Variants in SNX22 observed in about 807,000 individuals in gnomAD.
SNX22 encodes the protein sorting nexin-22.
A neutral mutation model predicts 24.7 loss-of-function variants in SNX22; 23 were observed. The observed-to-expected ratio is 0.93, with a 90% CI of 0.67 to 1.32. The LOEUF is 1.32. SNX22 is among the 40% of genes most tolerant of loss of function. The probability of loss-of-function intolerance (pLI) is 0.00; values close to 1 mark genes in which losing one functional copy is unlikely to be tolerated. For synonymous variants in SNX22, 99 were observed against 104.0 expected, an observed-to-expected ratio of 0.95 and a Z score of 0.29; for missense variants, 261 against 249.9, an observed-to-expected ratio of 1.04 and a Z score of -0.30.
Position 64,154,752 on chromosome 15 carries a change from A to G in SNX22, c.*244A>G. 2.6e-6 allele frequency: 1 copy of G among 391,232 alleles called. No individual in the cohort carries two copies. The highest frequency in any genetic ancestry group is 4.5e-6 in the Non-Finnish European group (1 of 219,888). The allele number at this position is 391,232 out of a possible 1,614,324, so 24.2% of individuals were successfully genotyped here. On this transcript the variant is annotated 3_prime_UTR_variant, in exon 7 of 7. Transcript: ENST00000325881. ...CAAGAAGATAAGTAATAAAAGAGGA[A>G]GTCAGCCAGGCGCGGTGGCTCATGC...
rs375272799 is a variant in SNX22 at position 64,152,707 on chromosome 15, G to C, written c.229G>C (p.Glu77Gln). Residue 77 changes from glutamate (E) to glutamine (Q), a missense_variant, in exon 3 of 7, where the codon GAA becomes CAA. By Grantham distance (29) the Glu-to-Gln change is conservative. Transcript: ENST00000325881. ...GCCCAACTGGAGGACCAGAGGGTTG[G>C]AACAGCGCCGGCAGGGCTTGGAGGC... ...RLPNWRTRGL[E>Q]QRRQGLEAYI... is the part of the protein sequence containing the mutation. 1.1e-4 allele frequency: 185 copies of C among 1,614,118 alleles called. No individual in the cohort carries two copies. Among genetic ancestry groups the C allele is most frequent in the Non-Finnish European group, 1.5e-4 (175 of 1,180,048 alleles).
Position 64,156,402 on chromosome 15 carries a change from C to T in SNX22, c.*1894C>T, listed in dbSNP as rs1343679287. The T allele has an allele frequency of 3.2e-6, 2 of 630,168 alleles. No homozygotes were observed. The highest frequency in any genetic ancestry group is 5.6e-5 in the East Asian group (2 of 35,970). 39.0% of individuals were successfully genotyped at this position (630,168 alleles called of 1,614,324 possible). A position where few individuals can be genotyped will look rare whatever the true frequency, so the allele number is the denominator to read the frequency against. On this transcript the variant is annotated 3_prime_UTR_variant, in exon 7 of 7. Coordinates refer to ENST00000325881, the MANE Select transcript of SNX22 (RefSeq NM_024798.3). This position sits in a 1 kb window ranked among gnomAD's most constrained non-coding sequence, Gnocchi z 6.4. The stretch of plus-strand genomic sequence containing the variant: ...GGGTGAGGAGGAGGAAGAGGGTGAC[C>T]AGGGCATGTGGCTTCTCAGGGACAT...
intron 3 of SNX22, 180 bp from the exon 4 acceptor site, chr15:64,153,065 T>C: frequency 2.8e-6 from 2 of 713,758 alleles, no homozygotes; most frequent in Non-Finnish European, 4.6e-6. Flanking sequence ...TGCCGCGTCA[T>C]GGGGTACAAC....
At chr15:64,152,512 AC>A in intron 2 of SNX22, 125 bp from the exon 3 acceptor site, 1 of 1,228,054 alleles carries the variant, frequency 8.1e-7, no homozygotes, top group Non-Finnish European at 1.2e-6. Flanking sequence ...CGGCCGGTCC[AC>A]CACTCACCAG....
intron 6 of SNX22, 182 bp downstream of exon 6, chr15:64,154,184 T>C (rs1262188271): frequency 6.4e-7 from 1 of 1,572,738 alleles, no homozygotes; most frequent in Admixed American, 1.9e-5. Flanking sequence ...TTCCCTGGTC[T>C]CCATTTCTTC....
At position 64,155,600 on chromosome 15, in the gene SNX22, C is replaced by A; in HGVS notation, c.*1092C>A. ...CTTAACATAGACTGGAGGGTGGTGG[C>A]AAGGGGAGCAAATGTGGAGGCCCAG... On this transcript the variant is annotated 3_prime_UTR_variant, in exon 7 of 7. Coordinates refer to ENST00000325881, the MANE Select transcript of SNX22 (RefSeq NM_024798.3). The A allele has an allele frequency of 4.2e-6, 1 of 240,248 alleles. No individual in the cohort carries two copies. The highest frequency in any genetic ancestry group is 8.2e-6 in the Non-Finnish European group (1 of 122,106). The allele number at this position is 240,248 out of a possible 1,614,324, so 14.9% of individuals were successfully genotyped here. A position where few individuals can be genotyped will look rare whatever the true frequency, so the allele number is the denominator to read the frequency against.
chr15:64,151,883 G>A (rs2081488612), intron 1 of SNX22, 33 bp downstream of exon 1: 1 of 1,512,410 alleles, frequency 6.6e-7, no homozygotes, highest in Non-Finnish European at 8.8e-7. Context: ...GAGGGGCGCC[G>A]GGACCCGCAG....
At position 64,154,393 on chromosome 15, in the gene SNX22, T is replaced by C; in HGVS notation, c.467T>C (p.Leu156Pro). ...PYVCNPSPES[L>P]PNVVVNGVLQ... ...GTTTAATTCTATCCCACAGAGTCGC[T>C]GCCCAACGTGGTGGTGAATGGTGTG... Residue 156 changes from leucine (L) to proline (P), a missense_variant, in exon 7 of 7, where the codon CTG (leucine) becomes CCG (proline). Coordinates refer to ENST00000325881, the MANE Select transcript of SNX22 (RefSeq NM_024798.3). The C allele has an allele frequency of 6.2e-7, 1 of 1,614,148 alleles. No individual in the cohort carries two copies. Among genetic ancestry groups the C allele is most frequent in the East Asian group, 2.2e-5 (1 of 44,886 alleles).
rs748284900 is a variant in SNX22 at position 64,156,910 on chromosome 15, C to A, written c.*2402C>A. ...AAGCGCTCACCGTAGATGCTCTTTC[C>A]TGGGAAAAAAGACAGAGCAGGTCAG... On this transcript the variant is annotated 3_prime_UTR_variant, in exon 7 of 7. Coordinates refer to ENST00000325881, the MANE Select transcript of SNX22 (RefSeq NM_024798.3). The surrounding 1 kb of genome is among the most constrained non-coding windows in gnomAD (Gnocchi z 6.4). 16 of 1,614,010 alleles carry A rather than the reference C, an allele frequency of 9.9e-6. No homozygotes were observed. The highest frequency in any genetic ancestry group is 1.1e-5 in the Non-Finnish European group (13 of 1,179,946).
In SNX22 at chr15:64,151,740, AGCCGAGCGCGCGGAGCAGCTGGGGCCGG is replaced by A; in HGVS notation, c.-34_-7del. 6.6e-7 allele frequency: 1 copy of A among 1,520,726 alleles called. No homozygotes were observed. 94.2% of individuals were successfully genotyped at this position (1,520,726 alleles called of 1,614,324 possible). On this transcript the variant is annotated 5_prime_UTR_variant, in exon 1 of 7. Coordinates refer to ENST00000325881, the MANE Select transcript of SNX22 (RefSeq NM_024798.3). ...CCGCTCCGGGAGAGTTAGGGCTCCGAGCCGAGCGCGCGGAGCAGCTGGGGCCGGGGCGCGGATGCTGGAAGTTCACATC... is the reference window on the plus strand; with the variant it reads ...CCGCTCCGGGAGAGTTAGGGCTCCGAGGCGCGGATGCTGGAAGTTCACATC...
chr15:64,157,136 CAGA>C lies in SNX22; in HGVS notation c.*2631_*2633del, dbSNP rs546466962. ...CCAGGCTGATGTGGTGAACAGCTCA[CAGA>C]AGGATTACTTTGAGAAGATAGTTTT... On this transcript the variant is annotated 3_prime_UTR_variant, in exon 7 of 7. Transcript: ENST00000325881. The surrounding 1 kb of genome is among the most constrained non-coding windows in gnomAD (Gnocchi z 4.2). 2.2e-4 allele frequency: 128 copies of C among 589,932 alleles called. No homozygotes were observed. The East Asian group carries it at 3.3e-3, about 15-fold the overall frequency. 36.5% of individuals were successfully genotyped at this position (589,932 alleles called of 1,614,324 possible).
chr15:64,154,682 TG>T lies in SNX22; in HGVS notation c.*176del. 1.3e-6 allele frequency: 1 copy of T among 780,432 alleles called. No homozygotes were observed. The highest frequency in any genetic ancestry group is 2.0e-6 in the Non-Finnish European group (1 of 496,448). The allele number at this position is 780,432 out of a possible 1,614,324, so 48.3% of individuals were successfully genotyped here. A position where few individuals can be genotyped will look rare whatever the true frequency, so the allele number is the denominator to read the frequency against. The stretch of plus-strand genomic sequence containing the variant: ...CTTGGCTCGCATTGGTAGCTGGAGG[TG>T]GTAGAATTTGTATGCTCTTAGAGCC... On this transcript the variant is annotated 3_prime_UTR_variant, in exon 7 of 7. Transcript: ENST00000325881.
In SNX22 at chr15:64,154,719, G is replaced by C; in HGVS notation, c.*211G>C. The C allele has an allele frequency of 3.7e-6, 2 of 542,838 alleles. No individual in the cohort carries two copies. Among genetic ancestry groups the C allele is most frequent in the Non-Finnish European group, 6.3e-6 (2 of 316,826 alleles). 33.6% of individuals were successfully genotyped at this position (542,838 alleles called of 1,614,324 possible). ...TATGCTCTTAGAGCCCAACAGCCAA[G>C]GCAGGGTCAAGAAGATAAGTAATAA... is the stretch of plus-strand genomic sequence containing the variant. On this transcript the variant is annotated 3_prime_UTR_variant, in exon 7 of 7. Coordinates refer to ENST00000325881, the MANE Select transcript of SNX22 (RefSeq NM_024798.3).
chr15:64,153,360 G>A, intron 4 of SNX22, 21 bp downstream of exon 4: 1 of 1,613,166 alleles, frequency 6.2e-7, no homozygotes, highest in Non-Finnish European at 8.5e-7. Flanking sequence ...CCGATGGCGG[G>A]GGCCAGGGGC....
At position 64,157,097 on chromosome 15, in the gene SNX22, A is replaced by G; in HGVS notation, c.*2589A>G. The G allele has an allele frequency of 1.6e-6, 1 of 627,816 alleles. No individual in the cohort carries two copies. 38.9% of individuals were successfully genotyped at this position (627,816 alleles called of 1,614,324 possible). A position where few individuals can be genotyped will look rare whatever the true frequency, so the allele number is the denominator to read the frequency against. ...AGCCAAGCCATGCTGACTGAGGCCA[A>G]GTGGGGCATCAGGCCAGGCTGATGT... is the stretch of plus-strand genomic sequence containing the variant. On this transcript the variant is annotated 3_prime_UTR_variant, in exon 7 of 7. Transcript: ENST00000325881. The surrounding 1 kb of genome is among the most constrained non-coding windows in gnomAD (Gnocchi z 4.2).
rs1054186117 is a variant in SNX22 at position 64,157,019 on chromosome 15, G to A, written c.*2511G>A. On this transcript the variant is annotated 3_prime_UTR_variant, in exon 7 of 7. Transcript: ENST00000325881. The surrounding 1 kb of genome is among the most constrained non-coding windows in gnomAD (Gnocchi z 4.2). ...CCTGTCCTCTGTGCCAGGCTAGGCTGGAGTGGACTACAAGGACATAAAAGC... is the reference window on the plus strand; with the variant it reads ...CCTGTCCTCTGTGCCAGGCTAGGCTAGAGTGGACTACAAGGACATAAAAGC... 4 of 1,169,762 alleles carry A rather than the reference G, an allele frequency of 3.4e-6. No individual in the cohort carries two copies. Among genetic ancestry groups the A allele is most frequent in the Admixed American group, 4.3e-5 (2 of 46,758 alleles). 72.5% of individuals were successfully genotyped at this position (1,169,762 alleles called of 1,614,324 possible). A position where few individuals can be genotyped will look rare whatever the true frequency, so the allele number is the denominator to read the frequency against.
Position 64,154,740 on chromosome 15 carries a change from A to G in SNX22, c.*232A>G. On this transcript the variant is annotated 3_prime_UTR_variant, in exon 7 of 7. Coordinates refer to ENST00000325881, the MANE Select transcript of SNX22 (RefSeq NM_024798.3). The stretch of plus-strand genomic sequence containing the variant: ...CCAAGGCAGGGTCAAGAAGATAAGT[A>G]ATAAAAGAGGAAGTCAGCCAGGCGC... The G allele has an allele frequency of 2.2e-6, 1 of 445,748 alleles. No homozygotes were observed. Among genetic ancestry groups the G allele is most frequent in the Non-Finnish European group, 3.9e-6 (1 of 255,764 alleles). 27.6% of individuals were successfully genotyped at this position (445,748 alleles called of 1,614,324 possible).
In SNX22 at chr15:64,156,881, G is replaced by A. The variant is rs11558597; in HGVS notation, c.*2373G>A. 21 of 1,614,014 alleles carry A rather than the reference G, an allele frequency of 1.3e-5. No individual in the cohort carries two copies. The highest frequency in any genetic ancestry group is 6.7e-5 in the African/African-American group (5 of 74,892). On this transcript the variant is annotated 3_prime_UTR_variant, in exon 7 of 7. Transcript: ENST00000325881. The surrounding 1 kb of genome is among the most constrained non-coding windows in gnomAD (Gnocchi z 6.4). The stretch of plus-strand genomic sequence containing the variant: ...AGTGCTTCAGTTTGAAGTTCTCATC[G>A]GGGAAGCGCTCACCGTAGATGCTCT...
Position 64,156,864 on chromosome 15 carries a change from A to G in SNX22, c.*2356A>G. 3.7e-6 allele frequency: 6 copies of G among 1,614,154 alleles called. No homozygotes were observed. Among genetic ancestry groups the G allele is most frequent in the Non-Finnish European group, 5.1e-6 (6 of 1,180,024 alleles). ...CACCCAGCCAGGCCCGTAGTGCTTC[A>G]GTTTGAAGTTCTCATCGGGGAAGCG... On this transcript the variant is annotated 3_prime_UTR_variant, in exon 7 of 7. Coordinates refer to ENST00000325881, the MANE Select transcript of SNX22 (RefSeq NM_024798.3). The surrounding 1 kb of genome is among the most constrained non-coding windows in gnomAD (Gnocchi z 6.4).
Sources: gnomAD v4.1 joint callset for allele counts on GRCh38, gnomAD v4.1.1 for gene constraint, Gnocchi (gnomAD v3.1) non-coding constraint, MANE v1.5 for transcripts, NCBI Gene and HGNC (gene_info 2026-07-23, HGNC 2026-07-21) for gene names.